Variants in NPHP4 observed in about 807,000 individuals in gnomAD.
NPHP4 encodes the protein nephrocystin-4.
NPHP4 carries 151 observed loss-of-function variants against 155.8 expected under a neutral mutation model. The observed-to-expected ratio is 0.97, with a 90% CI of 0.85 to 1.11. NPHP4 has a LOEUF of 1.11. Among genes scored for constraint, NPHP4 ranks in the 50% least tolerant of loss-of-function variants. The pLI, the probability that NPHP4 is intolerant of heterozygous loss-of-function variation, is 0.00. For missense variants in NPHP4, 1,956 were observed against 1,925.7 expected, an observed-to-expected ratio of 1.02 and a Z score of -0.29; for synonymous variants, 845 against 816.8, an observed-to-expected ratio of 1.03 and a Z score of -0.59.
At chr1:5,975,035 AG>A (rs138259094) in intron 3 of NPHP4, among the ~76,000 whole-genome samples, 1 of 152,350 alleles carries the variant, frequency 6.6e-6, no homozygotes, top group African/African-American at 2.4e-5. Flanking sequence ...AAAAGGGCAA[AG>A]GGTGTTTTAC....
intron 6 of NPHP4, among the ~76,000 whole-genome samples, chr1:5,960,623 T>C (rs1650133089): frequency 2.0e-5 from 3 of 151,898 alleles, no homozygotes; most frequent in South Asian, 4.2e-4. Flanking sequence ...TGCCAGGACA[T>C]CTCCATCACA....
In NPHP4 at chr1:5,862,988, C is replaced by T; in HGVS notation, c.*277G>A. On this transcript the variant is annotated 3_prime_UTR_variant, in exon 30 of 30. Coordinates refer to ENST00000378156, the MANE Select transcript of NPHP4 (RefSeq NM_015102.5). ...TTGAGCAACAGCGATAACGAGGGTC[C>T]CACATGCGTAGATGGCAGCACCAGA... The T allele has an allele frequency of 2.1e-6, 1 of 480,400 alleles. No individual in the cohort carries two copies. The highest frequency in any genetic ancestry group is 3.7e-6 in the Non-Finnish European group (1 of 267,000). 29.8% of individuals were successfully genotyped at this position (480,400 alleles called of 1,614,324 possible). A position where few individuals can be genotyped will look rare whatever the true frequency, so the allele number is the denominator to read the frequency against.
At chr1:5,965,685 G>A (rs1651359552) in intron 5 of NPHP4, among the ~76,000 whole-genome samples, 1 of 152,062 alleles carries the variant, frequency 6.6e-6, no homozygotes, top group South Asian at 2.1e-4. Flanking sequence ...CACATGCCCC[G>A]GCCCATGCTA....
rs1004121055 is a variant in NPHP4 at position 5,887,927 on chromosome 1, G to GGGCAGGGGA, written c.2305-470_2305-462dup. Among the ~76,000 whole-genome samples the GGGCAGGGGA allele has an allele frequency of 9.8e-5, 15 of 152,356 alleles. No homozygotes were observed. In the East Asian group the frequency reaches 2.3e-3, roughly 24 times the overall value. ...GAGGAAGACAGGCCATGCACAGAGA[G>GGGCAGGGGA]GGCAGGGGAGGCAGAGAAGGCCGGG... On this transcript the variant is annotated intron_variant, in intron 17 of 29. Coordinates refer to ENST00000378156, the MANE Select transcript of NPHP4 (RefSeq NM_015102.5).
At chr1:5,960,945 T>A (rs1262325460) in intron 6 of NPHP4, among the ~76,000 whole-genome samples, 2 of 152,320 alleles carry the variant, frequency 1.3e-5, no homozygotes, top group East Asian at 3.9e-4. Flanking sequence ...AAGGCTCAAG[T>A]GTTAACTGAT....
intron 1 of NPHP4, among the ~76,000 whole-genome samples, chr1:5,987,225 C>T (rs1280936580): frequency 6.6e-6 from 1 of 152,026 alleles, no homozygotes; most frequent in Admixed American, 6.6e-5. Flanking sequence ...CCAGCCAGAC[C>T]GGGATCTAAA....
chr1:5,963,168 G>A (rs1159376470), intron 5 of NPHP4, among the ~76,000 whole-genome samples: 2 of 152,234 alleles, frequency 1.3e-5, no homozygotes, highest in African/African-American at 4.8e-5. Context: ...TCCAGCACAG[G>A]TGGATCACCT....
chr1:5,924,968 T>C (rs1645923478), intron 11 of NPHP4, among the ~76,000 whole-genome samples: 1 of 152,206 alleles, frequency 6.6e-6, no homozygotes, highest in African/African-American at 2.4e-5. Flanking sequence ...TATCATAATT[T>C]AAACACATGA....
At chr1:5,950,392 C>T (rs1047512540) in intron 7 of NPHP4, among the ~76,000 whole-genome samples, 3 of 152,154 alleles carry the variant, frequency 2.0e-5, no homozygotes, top group Non-Finnish European at 2.9e-5. Context: ...CCGCCTCCAC[C>T]CCCAGGAGCT....
In NPHP4 at chr1:5,864,144, A is replaced by G. The variant is rs994479931; in HGVS notation, c.3997-111T>C. The G allele has an allele frequency of 4.6e-6, 6 of 1,310,162 alleles. No homozygotes were observed. The African/African-American group carries it at 8.7e-5, about 19-fold the overall frequency. 81.2% of individuals were successfully genotyped at this position (1,310,162 alleles called of 1,614,324 possible). A position where few individuals can be genotyped will look rare whatever the true frequency, so the allele number is the denominator to read the frequency against. ...GTGCACCGTGCACGGGGACCCCCAC[A>G]GAGATAAGACAGACGCTCTCTGGAG... is the stretch of plus-strand genomic sequence containing the variant. On this transcript the variant is annotated intron_variant, in intron 28 of 29. Coordinates refer to ENST00000378156, the MANE Select transcript of NPHP4 (RefSeq NM_015102.5).
intron 6 of NPHP4, among the ~76,000 whole-genome samples, chr1:5,959,010 C>T (rs946400842): frequency 3.4e-4 from 50 of 147,130 alleles, no homozygotes; most frequent in African/African-American, 1.3e-3. Flanking sequence ...AATTGTGTTT[C>T]TCTCCCAAAA....
chr1:5,937,949 G>T (rs1646630298), intron 9 of NPHP4, among the ~76,000 whole-genome samples: 1 of 152,358 alleles, frequency 6.6e-6, no homozygotes, highest in African/African-American at 2.4e-5. Context: ...CACTCACGTG[G>T]TGTGAGAGCC....
At chr1:5,966,854 G>A (rs1262473427) in intron 5 of NPHP4, among the ~76,000 whole-genome samples, 1 of 152,190 alleles carries the variant, frequency 6.6e-6, no homozygotes, top group Non-Finnish European at 1.5e-5. Flanking sequence ...GGCTGCCTGG[G>A]AACGGCTGGT....
intron 23 of NPHP4, among the ~76,000 whole-genome samples, chr1:5,871,121 C>A (rs539592936): frequency 1.3e-5 from 2 of 152,308 alleles, no homozygotes; most frequent in East Asian, 1.9e-4. Flanking sequence ...GAAAAATGCA[C>A]AAACAGAGAG....
intron 2 of NPHP4, among the ~76,000 whole-genome samples, chr1:5,980,436 T>A (rs1326210889): frequency 6.6e-6 from 1 of 152,212 alleles, no homozygotes. Flanking sequence ...CAGGCAGGCC[T>A]CACGGCGCGA....
At chr1:5,957,101 T>G (rs1183935404) in intron 6 of NPHP4, among the ~76,000 whole-genome samples, 1 of 152,212 alleles carries the variant, frequency 6.6e-6, no homozygotes, top group Non-Finnish European at 1.5e-5. Flanking sequence ...TGACCCCCAC[T>G]GCAGCAGAGG....
chr1:5,981,672 C>T (rs906291374), intron 2 of NPHP4, among the ~76,000 whole-genome samples: 3 of 152,202 alleles, frequency 2.0e-5, no homozygotes, highest in Non-Finnish European at 4.4e-5. Flanking sequence ...ACCAAACCAT[C>T]ATCTATTTCC....
chr1:5,970,531 A>C (rs2102271107), intron 3 of NPHP4, among the ~76,000 whole-genome samples: 1 of 152,270 alleles, frequency 6.6e-6, no homozygotes, highest in East Asian at 1.9e-4. Context: ...GGAATGCCGT[A>C]GCACAGTAGA....
chr1:5,971,730 CTT>C (rs1652606362), intron 3 of NPHP4, among the ~76,000 whole-genome samples: 1 of 152,156 alleles, frequency 6.6e-6, no homozygotes, highest in Admixed American at 6.5e-5. Context: ...TCTAGGGAAA[CTT>C]AACGAGCGCC....
Sources: allele counts gnomAD v4.1 joint callset (sites outside exome capture counted in the v4.1 genomes callset), GRCh38; gene constraint gnomAD v4.1.1; transcripts MANE v1.5; gene names NCBI Gene and HGNC (gene_info 2026-07-23, HGNC 2026-07-21).